Variants in SLC49A4 observed in about 807,000 individuals in gnomAD.
The protein encoded by SLC49A4 is solute carrier family 49 member 4.
Under a neutral mutation model 50.6 loss-of-function variants are expected in SLC49A4, and 36 were observed. That is an observed-to-expected ratio of 0.71 (90% CI 0.55 to 0.94). The LOEUF (loss-of-function observed/expected upper bound fraction) is 0.94. SLC49A4 is among the 40% of genes least tolerant of loss of function. The pLI is 0.00. For synonymous variants in SLC49A4, 248 were observed against 241.2 expected, an observed-to-expected ratio of 1.03 and a Z score of -0.26; for missense variants, 503 against 605.7, an observed-to-expected ratio of 0.83 and a Z score of 1.78.
chr3:122,822,210 C>G (rs528030203), intron 2 of SLC49A4, among the ~76,000 whole-genome samples: 61 of 152,204 alleles, frequency 4.0e-4, no homozygotes, highest in Non-Finnish European at 7.2e-4. Context: ...GAATCCCCCT[C>G]CTTCGTTTTT....
intron 2 of SLC49A4, among the ~76,000 whole-genome samples, chr3:122,810,658 C>T (rs1185543429): frequency 6.6e-6 from 1 of 152,208 alleles, no homozygotes; most frequent in African/African-American, 2.4e-5. Context: ...ATGTGCAACA[C>T]ATGCCACATT....
chr3:122,799,336 T>G (rs1425194805), intron 1 of SLC49A4, among the ~76,000 whole-genome samples: 1 of 152,210 alleles, frequency 6.6e-6, no homozygotes, highest in Non-Finnish European at 1.5e-5. Flanking sequence ...AAGGTGTATT[T>G]GAGCAGACAC....
chr3:122,828,514 A>G (rs1936566431), intron 3 of SLC49A4, among the ~76,000 whole-genome samples: 1 of 152,194 alleles, frequency 6.6e-6, no homozygotes. Flanking sequence ...AGTGGCTTAG[A>G]TCTAGTGAGA....
intron 3 of SLC49A4, among the ~76,000 whole-genome samples, chr3:122,828,681 G>A (rs1307127549): frequency 4.6e-5 from 7 of 152,120 alleles, no homozygotes; most frequent in Non-Finnish European, 1.0e-4. Flanking sequence ...TCAAAATATG[G>A]TTTAGAAGGA....
chr3:122,857,305 AG>A (rs1267643967), intron 6 of SLC49A4, among the ~76,000 whole-genome samples: 9 of 149,284 alleles, frequency 6.0e-5, no homozygotes, highest in African/African-American at 2.0e-4. Flanking sequence ...AAAAAAAAAA[AG>A]GAAAAGAATT....
intron 4 of SLC49A4, among the ~76,000 whole-genome samples, chr3:122,844,991 G>T (rs986757522): frequency 6.6e-6 from 1 of 151,966 alleles, no homozygotes; most frequent in South Asian, 2.1e-4. Context: ...TAGGCTCAGG[G>T]TACGTGTGCA....
At chr3:122,864,045 C>T (rs1046552193) in intron 7 of SLC49A4, among the ~76,000 whole-genome samples, 6 of 152,124 alleles carry the variant, frequency 3.9e-5, no homozygotes, top group Admixed American at 1.3e-4. Context: ...TGAGTCACCA[C>T]GCCCAACCTC....
At chr3:122,842,624 A>AT (rs929857390) in intron 4 of SLC49A4, among the ~76,000 whole-genome samples, 1 of 151,946 alleles carries the variant, frequency 6.6e-6, no homozygotes, top group African/African-American at 2.4e-5. Context: ...TCACTGAAGG[A>AT]TTTTAAGCCA....
At chr3:122,872,370 C>T in intron 7 of SLC49A4, 45 bp from the exon 8 acceptor site, 1 of 1,495,868 alleles carries the variant, frequency 6.7e-7, no homozygotes, top group Non-Finnish European at 9.2e-7. Flanking sequence ...TGATATGACT[C>T]ACTGCCGCTA....
At chr3:122,823,299 G>A (rs1244630210) in intron 2 of SLC49A4, among the ~76,000 whole-genome samples, 1 of 152,244 alleles carries the variant, frequency 6.6e-6, no homozygotes, top group Non-Finnish European at 1.5e-5. Context: ...GAGCTTAGAT[G>A]GAGTTGGACC....
chr3:122,877,405 TG>T (rs1389801104), intron 8 of SLC49A4, among the ~76,000 whole-genome samples: 4 of 152,250 alleles, frequency 2.6e-5, no homozygotes, highest in African/African-American at 9.6e-5. Context: ...AGAGCAATTA[TG>T]AGACGTTTTT....
At chr3:122,853,215 TC>T (rs1160527935) in intron 5 of SLC49A4, among the ~76,000 whole-genome samples, 2 of 152,170 alleles carry the variant, frequency 1.3e-5, no homozygotes, top group Non-Finnish European at 2.9e-5. Flanking sequence ...GCAAGGCAGC[TC>T]CCTTCAACCT....
At chr3:122,798,518 T>C (rs982516936) in intron 1 of SLC49A4, among the ~76,000 whole-genome samples, 2 of 152,096 alleles carry the variant, frequency 1.3e-5, no homozygotes, top group African/African-American at 4.8e-5. Flanking sequence ...TTTTCATTTT[T>C]AGTAGAAGAA....
intron 4 of SLC49A4, among the ~76,000 whole-genome samples, chr3:122,837,627 A>T (rs1341969143): frequency 2.0e-5 from 3 of 152,208 alleles, no homozygotes; most frequent in Non-Finnish European, 4.4e-5. Flanking sequence ...AACCTGGGCA[A>T]TACCATTCAG....
chr3:122,859,851 A>G (rs1470661437), intron 6 of SLC49A4, among the ~76,000 whole-genome samples: 2 of 152,192 alleles, frequency 1.3e-5, no homozygotes, highest in African/African-American at 2.4e-5. Context: ...TATCCTATAA[A>G]TTATAGATCC....
chr3:122,824,566 C>CTTCT (rs1393717329), intron 2 of SLC49A4, among the ~76,000 whole-genome samples: 1 of 151,890 alleles, frequency 6.6e-6, no homozygotes, highest in African/African-American at 2.4e-5. Context: ...CTTCTCTTCT[C>CTTCT]TTCTTTCTTT....
Position 122,840,138 on chromosome 3 carries a change from G to A in SLC49A4, c.834-5625G>A, listed in dbSNP as rs908182934. Among the ~76,000 whole-genome samples, 27 of 152,200 alleles carry A rather than the reference G, an allele frequency of 1.8e-4. 1 individual carries two copies. The highest frequency in any genetic ancestry group is 1.3e-3 in the Admixed American group (20 of 15,276). ...ATTCTAAGTGAAGTAACTCAGGAAT[G>A]CAAAATCAAACACTGTATGTTCTGA... is the stretch of plus-strand genomic sequence containing the variant. On this transcript the variant is annotated intron_variant, in intron 4 of 8. Transcript: ENST00000261038.
At position 122,845,791 on chromosome 3, in the gene SLC49A4, G is replaced by A. The variant is rs556786081; in HGVS notation, c.862G>A (p.Ala288Thr). The A allele has an allele frequency of 3.1e-6, 5 of 1,609,716 alleles. No homozygotes were observed. The African/African-American group carries it at 6.7e-5, about 22-fold the overall frequency. The change falls in exon 5 of 9, where the codon GCA becomes ACA. Residue 288 changes from alanine to threonine, a missense_variant. Ala to Thr is a moderately conservative substitution (Grantham distance 58). Transcript: ENST00000261038. ...TTTTCGATTTTTGATGATTGCTTTA[G>A]CATATGCCATACCACTTGGTGTATT... ...SNFRFLMIAL[A>T]YAIPLGVFAG...
At chr3:122,857,825 C>G (rs1358691146) in intron 6 of SLC49A4, among the ~76,000 whole-genome samples, 1 of 152,000 alleles carries the variant, frequency 6.6e-6, no homozygotes, top group African/African-American at 2.4e-5. Flanking sequence ...CCAAATTGGT[C>G]AAAGGGGGAA....
Sources: allele counts gnomAD v4.1 joint callset (sites outside exome capture counted in the v4.1 genomes callset), GRCh38; gene constraint gnomAD v4.1.1; transcripts MANE v1.5; gene names NCBI Gene and HGNC (gene_info 2026-07-23, HGNC 2026-07-21).